PARVA: variants seen among roughly 807,000 people sequenced by gnomAD.
PARVA encodes the protein alpha-parvin.
A neutral mutation model predicts 52.6 loss-of-function variants in PARVA; 25 were observed. The ratio of observed to expected loss-of-function variants is 0.48; its 90% confidence interval spans 0.35 to 0.66. The LOEUF is 0.66. Ranked by LOEUF, PARVA falls within the 30% of genes least tolerant of loss-of-function variation. The pLI, the probability that PARVA is intolerant of heterozygous loss-of-function variation, is 0.01. For synonymous variants in PARVA, 185 were observed against 179.1 expected (o/e 1.03, Z -0.26); for missense variants, 373 against 450.9 (o/e 0.83, Z 1.56).
At chr11:12,481,013 A>G (rs199844915) in intron 4 of PARVA, among the ~76,000 whole-genome samples, 1 of 152,074 alleles carries the variant, frequency 6.6e-6, no homozygotes, top group African/African-American at 2.4e-5. Flanking sequence ...CCTCAATCAC[A>G]TTGTCAGGGT....
chr11:12,434,525 A>G lies in PARVA; in HGVS notation c.137-39220A>G, dbSNP rs191128655. 2.0e-5 allele frequency among the ~76,000 whole-genome samples: 3 copies of G among 152,116 alleles called. No individual in the cohort carries two copies. In the East Asian group the frequency reaches 5.8e-4, roughly 29 times the overall value. ...GCTTTTCTGGCTGTCACAGCCCCCA[A>G]CCATGTGACTTTGCTCCCATGGTTC... is the stretch of plus-strand genomic sequence containing the variant. On this transcript the variant is annotated intron_variant, in intron 1 of 12. Transcript: ENST00000334956.
chr11:12,527,413 C>G (rs757313047), intron 12 of PARVA, among the ~76,000 whole-genome samples: 2 of 152,148 alleles, frequency 1.3e-5, no homozygotes, highest in Non-Finnish European at 2.9e-5. Context: ...TATTCTTAAT[C>G]GGAACCTGTC....
chr11:12,431,551 A>T (rs1940317200), intron 1 of PARVA, among the ~76,000 whole-genome samples: 1 of 152,228 alleles, frequency 6.6e-6, no homozygotes, highest in African/African-American at 2.4e-5. Flanking sequence ...ATGTTCCCAG[A>T]TGGCTTCACT....
At chr11:12,450,474 G>C (rs368732173) in intron 1 of PARVA, among the ~76,000 whole-genome samples, 2 of 152,330 alleles carry the variant, frequency 1.3e-5, no homozygotes. Flanking sequence ...CATATGCTAA[G>C]TGATTAAGGG....
At chr11:12,447,482 G>T (rs1187868205) in intron 1 of PARVA, among the ~76,000 whole-genome samples, 20 of 152,184 alleles carry the variant, frequency 1.3e-4, no homozygotes, top group Admixed American at 1.3e-3. Flanking sequence ...TATGGTCCCA[G>T]TCAGTATGGG....
upstream of PARVA, chr11:12,377,551 G>T (rs748930807): frequency 4.1e-6 from 6 of 1,480,920 alleles, no homozygotes; most frequent in South Asian, 6.4e-5. Flanking sequence ...TTCCGCTTCC[G>T]TTTGGAAAGC....
At chr11:12,434,686 C>T (rs1234822751) in intron 1 of PARVA, among the ~76,000 whole-genome samples, 2 of 152,144 alleles carry the variant, frequency 1.3e-5, no homozygotes, top group African/African-American at 4.8e-5. Context: ...GCTTCTGGGC[C>T]TCTATCCTTC....
chr11:12,381,938 C>A (rs553842773), intron 1 of PARVA, among the ~76,000 whole-genome samples: 78 of 152,158 alleles, frequency 5.1e-4, no homozygotes, highest in African/African-American at 1.8e-3. Flanking sequence ...GTTAGAGTCC[C>A]ATGGTGTTAG....
At chr11:12,464,007 TC>T (rs1242556646) in intron 1 of PARVA, among the ~76,000 whole-genome samples, 1 of 150,202 alleles carries the variant, frequency 6.7e-6, no homozygotes, top group African/African-American at 2.5e-5. Flanking sequence ...AGTACTTCCT[TC>T]CTTTCTGGCT....
At chr11:12,396,921 G>T (rs1939756161) in intron 1 of PARVA, among the ~76,000 whole-genome samples, 2 of 115,554 alleles carry the variant, frequency 1.7e-5, no homozygotes, top group Non-Finnish European at 1.8e-5. Flanking sequence ...TTCCTTTCAT[G>T]TACTTGTTTT....
At chr11:12,383,728 A>T (rs913211816) in intron 1 of PARVA, among the ~76,000 whole-genome samples, 1 of 152,054 alleles carries the variant, frequency 6.6e-6, no homozygotes, top group African/African-American at 2.4e-5. Context: ...ACTCCTGGGC[A>T]TATCTAACTT....
intron 1 of PARVA, among the ~76,000 whole-genome samples, chr11:12,449,190 G>A (rs958898007): frequency 4.0e-5 from 6 of 151,750 alleles, no homozygotes; most frequent in South Asian, 2.1e-4. Flanking sequence ...CAGTCTCCCC[G>A]TCGCCCAGGC....
At chr11:12,523,672 C>G (rs1411024555) in intron 12 of PARVA, among the ~76,000 whole-genome samples, 3 of 152,140 alleles carry the variant, frequency 2.0e-5, no homozygotes, top group African/African-American at 7.2e-5. Context: ...GCTGTTTTAT[C>G]TCTAGAGCCA....
intron 4 of PARVA, among the ~76,000 whole-genome samples, chr11:12,490,669 G>A (rs1941224596): frequency 6.6e-6 from 1 of 152,084 alleles, no homozygotes. Context: ...AAATGCAATA[G>A]TGAACAAAGA....
chr11:12,483,161 G>T (rs1355466899), intron 4 of PARVA, among the ~76,000 whole-genome samples: 4 of 152,328 alleles, frequency 2.6e-5, no homozygotes, highest in African/African-American at 7.2e-5. Context: ...ATTTCTGGTA[G>T]ATTCTATCAG....
chr11:12,466,311 GTT>G (rs36045215), intron 1 of PARVA, among the ~76,000 whole-genome samples: 1 of 142,966 alleles, frequency 7.0e-6, no homozygotes. Context: ...TTATTTAGTT[GTT>G]TTTTTTTTTT....
intron 1 of PARVA, among the ~76,000 whole-genome samples, chr11:12,421,135 G>A (rs1025839164): frequency 4.0e-5 from 6 of 151,288 alleles, no homozygotes; most frequent in African/African-American, 1.2e-4. Flanking sequence ...GGCATGAGAT[G>A]GACAAGGTGG....
At chr11:12,377,283 C>A, upstream of PARVA, 1 of 563,080 alleles carries the variant, frequency 1.8e-6, no homozygotes, top group Non-Finnish European at 2.8e-6. Context: ...GTGTTTTGCG[C>A]CAGGCTGTGT....
intron 1 of PARVA, among the ~76,000 whole-genome samples, chr11:12,401,706 AC>A: frequency 6.6e-6 from 1 of 152,356 alleles, no homozygotes; most frequent in Middle Eastern, 3.4e-3. Flanking sequence ...CAGTGACAGA[AC>A]AGTAACATTT....
Sources: gnomAD v4.1 joint callset for allele counts (sites outside exome capture counted in the v4.1 genomes callset) on GRCh38, gnomAD v4.1.1 for gene constraint, MANE v1.5 for transcripts, NCBI Gene and HGNC (gene_info 2026-07-23, HGNC 2026-07-21) for gene names.